SLC3A2: variants seen among roughly 807,000 people sequenced by gnomAD.
SLC3A2 encodes solute carrier family 3 member 2.
Under a neutral mutation model 48.5 loss-of-function variants are expected in SLC3A2, and 32 were observed. The ratio of observed to expected loss-of-function variants is 0.66; its 90% CI spans 0.50 to 0.89. The LOEUF (loss-of-function observed/expected upper bound fraction) is 0.89, where lower values mean the gene tolerates loss of function less well. Among genes scored for constraint, SLC3A2 ranks in the 40% least tolerant of loss-of-function variants. The pLI, the probability that SLC3A2 is intolerant of heterozygous loss-of-function variation, is 0.00. For missense variants in SLC3A2, 587 were observed against 680.7 expected, an observed-to-expected ratio of 0.86 and a Z score of 1.53; for synonymous variants, 277 against 288.8, an observed-to-expected ratio of 0.96 and a Z score of 0.41.
At chr11:62,857,862 ATTCCAG>A (rs985703228) in intron 1 of SLC3A2, among the ~76,000 whole-genome samples, 7 of 152,074 alleles carry the variant, frequency 4.6e-5, no homozygotes, top group African/African-American at 1.7e-4. Flanking sequence ...TGGGAGGGGA[ATTCCAG>A]TTAAAGGAAC....
intron 1 of SLC3A2, among the ~76,000 whole-genome samples, chr11:62,866,633 T>C (rs566980582): frequency 1.3e-5 from 2 of 152,286 alleles, no homozygotes; most frequent in African/African-American, 4.8e-5. Flanking sequence ...TGACCTCAGG[T>C]GATCCGCCCT....
intron 7 of SLC3A2, among the ~76,000 whole-genome samples, chr11:62,885,947 C>T (rs1463300375): frequency 2.0e-5 from 3 of 152,078 alleles, no homozygotes; most frequent in Non-Finnish European, 4.4e-5. Flanking sequence ...GGCTCTGTGC[C>T]CTCAGGAGCT....
chr11:62,868,831 A>G (rs2085480518), intron 1 of SLC3A2, among the ~76,000 whole-genome samples: 2 of 152,032 alleles, frequency 1.3e-5, no homozygotes, highest in African/African-American at 4.8e-5. Context: ...TGCCATTTTA[A>G]TTTGCACTTT....
chr11:62,858,239 T>C (rs1326624269), intron 1 of SLC3A2, among the ~76,000 whole-genome samples: 1 of 152,104 alleles, frequency 6.6e-6, no homozygotes, highest in Non-Finnish European at 1.5e-5. Flanking sequence ...CGTACAGAAA[T>C]CAGCTAAGTA....
chr11:62,884,196 C>T, intron 3 of SLC3A2: 1 of 581,728 alleles, frequency 1.7e-6, no homozygotes, highest in South Asian at 1.9e-5. Flanking sequence ...CTGTGGCTTT[C>T]AAAGTTGAAG....
chr11:62,883,121 G>A, intron 3 of SLC3A2, 122 bp downstream of exon 3: 2 of 824,636 alleles, frequency 2.4e-6, no homozygotes, highest in Admixed American at 4.0e-5. Context: ...TTAGGACCAA[G>A]GAGGAATGCC....
At chr11:62,864,708 C>T (rs569736970) in intron 1 of SLC3A2, among the ~76,000 whole-genome samples, 184 of 151,802 alleles carry the variant, frequency 1.2e-3, no homozygotes, top group African/African-American at 4.3e-3. Context: ...CCTCGTGATC[C>T]GCCCGCCTCG....
Position 62,867,391 on chromosome 11 carries a change from C to T in SLC3A2, c.112+11010C>T, listed in dbSNP as rs535923258. Among the ~76,000 whole-genome samples, 14 of 142,736 alleles carry T rather than the reference C, an allele frequency of 9.8e-5. No homozygotes were observed. In the South Asian group the frequency reaches 1.8e-3, roughly 19 times the overall value. 93.6% of individuals were successfully genotyped at this position (142,736 alleles called of 152,430 possible). A position where few individuals can be genotyped will look rare whatever the true frequency, so the allele number is the denominator to read the frequency against. On this transcript the variant is annotated intron_variant, in intron 1 of 9. Transcript: ENST00000377889. Reference sequence around the variant, plus strand: ...TCCAGGCTGGAGTGCAGTGGCCCGACCTTGGCTCACTGCACTCTCCGCCTC... The same window carrying T: ...TCCAGGCTGGAGTGCAGTGGCCCGATCTTGGCTCACTGCACTCTCCGCCTC...
intron 1 of SLC3A2, among the ~76,000 whole-genome samples, chr11:62,861,982 T>C (rs1444739349): frequency 6.6e-6 from 1 of 150,654 alleles, no homozygotes; most frequent in Non-Finnish European, 1.5e-5. Flanking sequence ...TGCCTCTCCA[T>C]TGTCTTTAAG....
chr11:62,870,217 T>C (rs1330656507), intron 1 of SLC3A2, among the ~76,000 whole-genome samples: 1 of 151,758 alleles, frequency 6.6e-6, no homozygotes, highest in Non-Finnish European at 1.5e-5. Flanking sequence ...GAGTCTCACT[T>C]TGTTGCCAGC....
intron 1 of SLC3A2, among the ~76,000 whole-genome samples, chr11:62,874,163 A>G (rs1489077352): frequency 6.6e-6 from 1 of 151,752 alleles, no homozygotes; most frequent in East Asian, 1.9e-4. Context: ...GAAAATGAGG[A>G]TGCAGTATTG....
At chr11:62,886,788 G>A (rs1413247940) in intron 7 of SLC3A2, among the ~76,000 whole-genome samples, 1 of 152,104 alleles carries the variant, frequency 6.6e-6, no homozygotes, top group Non-Finnish European at 1.5e-5. Context: ...TGTAGAGACA[G>A]GCTTTCACTG....
At chr11:62,882,763 A>G (rs2085659004) in intron 2 of SLC3A2, 145 bp from the exon 3 acceptor site, 3 of 699,150 alleles carry the variant, frequency 4.3e-6, no homozygotes, top group African/African-American at 1.7e-5. Flanking sequence ...ATCTGTTTCA[A>G]TGGAATGAAT....
In SLC3A2 at chr11:62,881,560, C is replaced by T; in HGVS notation, c.424+113C>T. The T allele has an allele frequency of 7.2e-7, 1 of 1,395,024 alleles. No homozygotes were observed. The highest frequency in any genetic ancestry group is 9.5e-7 in the Non-Finnish European group (1 of 1,057,918). 86.4% of individuals were successfully genotyped at this position (1,395,024 alleles called of 1,614,324 possible). ...GATGGTTCTTCCCTCCATCCCGTAC[C>T]GACGACTGTTCCCCCTTCCCCCACC... is the stretch of plus-strand genomic sequence containing the variant. On this transcript the variant is annotated intron_variant, in intron 1 of 8. Coordinates refer to ENST00000338663, the MANE Select transcript of SLC3A2 (RefSeq NM_001013251.3). This position sits in a 1 kb window ranked among gnomAD's most constrained non-coding sequence, Gnocchi z 4.0.
At position 62,881,634 on chromosome 11, in the gene SLC3A2, C is replaced by A. The variant is rs2085640657; in HGVS notation, c.424+187C>A. On this transcript the variant is annotated intron_variant, in intron 1 of 8. Coordinates refer to ENST00000338663, the MANE Select transcript of SLC3A2 (RefSeq NM_001013251.3). The surrounding 1 kb of genome is among the most constrained non-coding windows in gnomAD (Gnocchi z 4.0). ...CCTCCTTTCTTTGAAGAAAGCCGACCCGCCCCTCACTCCGTCACGAGGGTG... is the reference window on the plus strand; with the variant it reads ...CCTCCTTTCTTTGAAGAAAGCCGACACGCCCCTCACTCCGTCACGAGGGTG... The A allele has an allele frequency of 3.1e-6, 3 of 972,176 alleles. No individual in the cohort carries two copies. The highest frequency in any genetic ancestry group is 4.4e-6 in the Non-Finnish European group (3 of 678,628). The allele number at this position is 972,176 out of a possible 1,614,324, so 60.2% of individuals were successfully genotyped here. A position where few individuals can be genotyped will look rare whatever the true frequency, so the allele number is the denominator to read the frequency against.
At chr11:62,876,925 T>TA, upstream of SLC3A2, 1 of 995,202 alleles carries the variant, frequency 1.0e-6, no homozygotes. Flanking sequence ...GTTGAACAGT[T>TA]ACAAGTCTTG....
At chr11:62,887,268 A>G (rs1474070486) in intron 7 of SLC3A2, among the ~76,000 whole-genome samples, 1 of 152,114 alleles carries the variant, frequency 6.6e-6, no homozygotes, top group African/African-American at 2.4e-5. Flanking sequence ...GAGAGTAGCC[A>G]TAGGAGACCT....
Position 62,881,429 on chromosome 11 carries a change from G to T in SLC3A2, c.406G>T (p.Gly136Cys), listed in dbSNP as rs1210882641. The T allele has an allele frequency of 1.3e-6, 2 of 1,587,364 alleles. No homozygotes were observed. Among genetic ancestry groups the T allele is most frequent in the African/African-American group, 2.7e-5 (2 of 74,708 alleles). Reference protein sequence around the residue: ...IGDLQAFQGHGAGNLAGLKGR... With the variant: ...IGDLQAFQGHCAGNLAGLKGR... Reference sequence around the variant, plus strand: ...CGACCTTCAGGCCTTCCAGGGCCACGGCGCGGGCAACCTGGCGGGTGAGTG... The same window carrying T: ...CGACCTTCAGGCCTTCCAGGGCCACTGCGCGGGCAACCTGGCGGGTGAGTG... The change falls in exon 1 of 9, where the codon GGC (glycine) becomes TGC (cysteine). Residue 136 changes from glycine (G) to cysteine (C), a missense_variant. Gly to Cys is a radical substitution (Grantham distance 159). This residue lies in a region of SLC3A2 where 409 missense variants were observed against 446.7 expected (regional missense o/e 0.92). Transcript: ENST00000338663. This position sits in a 1 kb window ranked among gnomAD's most constrained non-coding sequence, Gnocchi z 4.0.
At chr11:62,883,470 T>C in intron 3 of SLC3A2, 1 of 186,238 alleles carries the variant, frequency 5.4e-6, no homozygotes, top group Admixed American at 5.3e-5. Context: ...ATACAAGGTA[T>C]ATAATTTGCC....
Sources: gnomAD v4.1 joint callset for allele counts (sites outside exome capture counted in the v4.1 genomes callset) on GRCh38, gnomAD v4.1.1 for gene constraint, gnomAD v4.1.1 regional missense constraint, Gnocchi (gnomAD v3.1) non-coding constraint, MANE v1.5 for transcripts, NCBI Gene and HGNC (gene_info 2026-07-23, HGNC 2026-07-21) for gene names.